Variants in DNAH8 observed in about 807,000 individuals in gnomAD.
The protein encoded by DNAH8 is axonemal beta dynein heavy chain 8.
A neutral mutation model predicts 562.1 loss-of-function variants in DNAH8; 382 were observed. The ratio of observed to expected loss-of-function variants is 0.68; its 90% CI spans 0.63 to 0.74. The LOEUF (loss-of-function observed/expected upper bound fraction) is 0.74, where lower values mean the gene tolerates loss of function less well. Ranked by LOEUF, DNAH8 falls within the 30% of genes least tolerant of loss-of-function variation. The probability of loss-of-function intolerance (pLI) is 0.00; values close to 1 mark genes in which losing one functional copy is unlikely to be tolerated. For synonymous variants in DNAH8, 1,881 were observed against 1,919.4 expected (o/e 0.98, Z 0.52); for missense variants, 5,203 against 5,620.4 (o/e 0.93, Z 2.37).
Position 38,909,707 on chromosome 6 carries a change from G to T in DNAH8, c.9703G>T (p.Asp3235Tyr). 6.2e-7 allele frequency: 1 copy of T among 1,614,084 alleles called. No homozygotes were observed. Among genetic ancestry groups the T allele is most frequent in the South Asian group, 1.1e-5 (1 of 91,074 alleles). ...QVVETMGLFH[D>Y]MVSESCESYF... ...TGTAGAAACAATGGGCCTGTTTCATGACATGGTTTCAGAGAGCTGTGAAAG... is the reference window on the plus strand; with the variant it reads ...TGTAGAAACAATGGGCCTGTTTCATTACATGGTTTCAGAGAGCTGTGAAAG... The change falls in exon 65 of 93, where the codon GAC becomes TAC. Residue 3235 changes from aspartate to tyrosine, a missense_variant. By Grantham distance (160) the Asp-to-Tyr change is radical. Transcript: ENST00000327475.
intron 62 of DNAH8, among the ~76,000 whole-genome samples, chr6:38,903,242 A>G (rs1295116765): frequency 6.6e-6 from 1 of 152,126 alleles, no homozygotes; most frequent in East Asian, 1.9e-4. Context: ...AAGGTTCTGC[A>G]GGCTGTACAG....
rs777233667 is a variant in DNAH8 at position 38,935,627 on chromosome 6, T to C, written c.11493T>C (p.Asp3831=). 1.2e-6 allele frequency: 2 copies of C among 1,613,252 alleles called. No homozygotes were observed. Among genetic ancestry groups the C allele is most frequent in the Non-Finnish European group, 1.7e-6 (2 of 1,179,772 alleles). Residue 3831 remains aspartate, a synonymous_variant, in exon 77 of 93, where the codon GAT becomes GAC. Transcript: ENST00000327475. ...CTGAGAGGGTTAAACTTTTGGAGGATGTTACTTTTAATAAGCGGAAGATGA... is the reference window on the plus strand; with the variant it reads ...CTGAGAGGGTTAAACTTTTGGAGGACGTTACTTTTAATAAGCGGAAGATGA... ...LEAERVKLLE[D]VTFNKRKMKE... is the part of the protein sequence containing the mutation.
intron 44 of DNAH8, among the ~76,000 whole-genome samples, chr6:38,862,971 A>G (rs1303767902): frequency 1.3e-5 from 2 of 152,196 alleles, no homozygotes; most frequent in East Asian, 1.9e-4. Context: ...TTCTATCTAC[A>G]TGCATTCTCT....
rs764807072 is a variant in DNAH8 at position 38,873,381 on chromosome 6, GA to G, written c.7620+6del. On this transcript the variant is annotated splice_donor_region_variant and intron_variant, in intron 52 of 92. Coordinates refer to ENST00000327475, the MANE Select transcript of DNAH8 (RefSeq NM_001206927.2). Reference sequence around the variant, plus strand: ...GAGTGCAACTATATTGTGCAAGTAAGATTTTTTTTTGTACATTTACTACTTC... The same window carrying G: ...GAGTGCAACTATATTGTGCAAGTAAGTTTTTTTTTGTACATTTACTACTTC... 7 of 1,575,192 alleles carry G rather than the reference GA, an allele frequency of 4.4e-6. No individual in the cohort carries two copies. In the Admixed American group the frequency reaches 1.0e-4, roughly 23 times the overall value.
rs764451890 is a variant in DNAH8 at position 38,923,118 on chromosome 6, G to A, written c.10723G>A (p.Asp3575Asn). 11 of 1,613,724 alleles carry A rather than the reference G, an allele frequency of 6.8e-6. No homozygotes were observed. The Admixed American group carries it at 8.3e-5, about 12-fold the overall frequency. ...GATGCAGGCCGCCTCCACTCTCATCGATGGGCTGAGTGGAGAAAAAATCCG... is the reference window on the plus strand; with the variant it reads ...GATGCAGGCCGCCTCCACTCTCATCAATGGGCTGAGTGGAGAAAAAATCCG... ...KKMQAASTLI[D>N]GLSGEKIRWT... Residue 3575 changes from aspartate (D) to asparagine (N), a missense_variant, in exon 72 of 93, where the codon GAT (aspartate) becomes AAT (asparagine). Around this residue, in one of 6 missense-constraint regions of DNAH8, gnomAD observed 1,399 missense variants for 1,518.4 expected, o/e 0.92. Transcript: ENST00000327475.
chr6:38,810,330 C>T (rs377482385), intron 24 of DNAH8, among the ~76,000 whole-genome samples: 56 of 152,220 alleles, frequency 3.7e-4, no homozygotes, highest in African/African-American at 1.1e-3. Flanking sequence ...AGTGGCTCAC[C>T]TCTGTAATCC....
At position 38,907,980 on chromosome 6, in the gene DNAH8, G is replaced by T; in HGVS notation, c.9373G>T (p.Glu3125Ter). ...GATCTCCAACTTGTTTGCACGAGAT[G>T]AGATGGATGAAATCACCCAAGGTCT... ...GEISNLFARD[E>*]MDEITQGLIS... The change falls in exon 64 of 93, where the codon GAG becomes TAG. Residue 3125 changes from glutamate to a stop codon, truncating the protein, a stop_gained. Coordinates refer to ENST00000327475, the MANE Select transcript of DNAH8 (RefSeq NM_001206927.2). LOFTEE classifies it high-confidence loss of function. 6.2e-7 allele frequency: 1 copy of T among 1,607,590 alleles called. No individual in the cohort carries two copies. Among genetic ancestry groups the T allele is most frequent in the Non-Finnish European group, 8.5e-7 (1 of 1,177,764 alleles).
chr6:38,738,068 C>T (rs1329368516), intron 7 of DNAH8, 96 bp downstream of exon 7: 1 of 1,287,742 alleles, frequency 7.8e-7, no homozygotes, highest in Admixed American at 2.2e-5. Context: ...AGAGGTGTCT[C>T]CTTTGACTTT....
At chr6:38,783,708 C>A (rs1768868944) in intron 17 of DNAH8, among the ~76,000 whole-genome samples, 1 of 152,188 alleles carries the variant, frequency 6.6e-6, no homozygotes, top group Non-Finnish European at 1.5e-5. Flanking sequence ...GGTTCTTAGC[C>A]ATTATCCAGC....
At chr6:38,938,777 G>C (rs1341462208) in intron 78 of DNAH8, 21 bp from the exon 79 acceptor site, 1 of 1,556,786 alleles carries the variant, frequency 6.4e-7, no homozygotes, top group Non-Finnish European at 8.7e-7. Context: ...TTGCTTCTTT[G>C]ATTCTTAAAA....
chr6:38,801,059 A>T (rs1211141189), intron 21 of DNAH8, among the ~76,000 whole-genome samples: 1 of 152,088 alleles, frequency 6.6e-6, no homozygotes. Flanking sequence ...GATGAAGTCT[A>T]ATTTATCAAT....
intron 37 of DNAH8, among the ~76,000 whole-genome samples, 175 bp downstream of exon 37, chr6:38,848,976 C>G (rs1182650379): frequency 6.6e-6 from 1 of 152,122 alleles, no homozygotes; most frequent in Non-Finnish European, 1.5e-5. Context: ...CAACCACATC[C>G]ATTCTTTTAT....
intron 10 of DNAH8, among the ~76,000 whole-genome samples, chr6:38,759,279 G>A (rs1038538573): frequency 6.6e-6 from 1 of 151,798 alleles, no homozygotes; most frequent in Non-Finnish European, 1.5e-5. Flanking sequence ...TGGCACTCCA[G>A]CCTAGGCAAG....
In DNAH8 at chr6:38,851,689, T is replaced by C. The variant is rs1406177875; in HGVS notation, c.5466+15T>C. On this transcript the variant is annotated intron_variant, in intron 39 of 92. Transcript: ENST00000327475. ...ACACCATACAGGTATAATCTAAGAA[T>C]CTGTGATCTAACTTGCTTTTCCCAC... 2.0e-6 allele frequency: 3 copies of C among 1,529,044 alleles called. No individual in the cohort carries two copies. The African/African-American group carries it at 4.1e-5, about 21-fold the overall frequency. 94.7% of individuals were successfully genotyped at this position (1,529,044 alleles called of 1,614,324 possible). A position where few individuals can be genotyped will look rare whatever the true frequency, so the allele number is the denominator to read the frequency against.
intron 43 of DNAH8, among the ~76,000 whole-genome samples, chr6:38,861,948 G>A (rs1776659078): frequency 1.1e-5 from 1 of 89,302 alleles, no homozygotes; most frequent in African/African-American, 3.7e-5. Context: ...ATGAAAACCA[G>A]GTTTTTTTTT....
intron 91 of DNAH8, among the ~76,000 whole-genome samples, chr6:39,019,742 C>T (rs1458595082): frequency 3.3e-5 from 5 of 152,150 alleles, no homozygotes. Context: ...TCTGAGAGGT[C>T]AGATGCTGAA....
At chr6:38,917,464 G>A in intron 69 of DNAH8, 58 bp downstream of exon 69, 1 of 1,431,304 alleles carries the variant, frequency 7.0e-7, no homozygotes, top group Non-Finnish European at 9.7e-7. Context: ...CTCAGCCCAG[G>A]ACACTCAATA....
At chr6:38,860,837 G>A (rs1281785515) in intron 43 of DNAH8, among the ~76,000 whole-genome samples, 1 of 152,120 alleles carries the variant, frequency 6.6e-6, no homozygotes, top group Non-Finnish European at 1.5e-5. Flanking sequence ...AAGAATAAAA[G>A]CAAGCTTGAA....
rs777137437 is a variant in DNAH8 at position 38,853,319 on chromosome 6, T to C, written c.5705T>C (p.Leu1902Ser). 6.2e-7 allele frequency: 1 copy of C among 1,613,544 alleles called. No individual in the cohort carries two copies. The highest frequency in any genetic ancestry group is 1.1e-5 in the South Asian group (1 of 90,942). The stretch of plus-strand genomic sequence containing the variant: ...ATCAGTGATTCAGGATTTCAACTCT[T>C]ACCATTCCTCAGCCACTTTCCAGCA... ...YQISDSGFQL[L>S]PFLSHFPAQV... Residue 1902 changes from leucine (L) to serine (S), a missense_variant, in exon 41 of 93, where the codon TTA becomes TCA. This residue lies in a region of DNAH8 where 2,176 missense variants were observed against 2,365.1 expected (regional missense o/e 0.92). Transcript: ENST00000327475.
Sources: gnomAD v4.1 joint callset for allele counts (sites outside exome capture counted in the v4.1 genomes callset) on GRCh38, gnomAD v4.1.1 for gene constraint, gnomAD v4.1.1 regional missense constraint, MANE v1.5 for transcripts, NCBI Gene and HGNC (gene_info 2026-07-23, HGNC 2026-07-21) for gene names.